Variants in STAB2 observed in about 807,000 individuals in gnomAD.
STAB2 encodes the protein stabilin-2.
Under a neutral mutation model 338.1 loss-of-function variants are expected in STAB2, and 288 were observed. That is an observed-to-expected ratio of 0.85 (90% CI 0.77 to 0.94). The LOEUF (loss-of-function observed/expected upper bound fraction) is 0.94, where lower values mean the gene tolerates loss of function less well. STAB2 is among the 40% of genes least tolerant of loss of function. The pLI, the probability that STAB2 is intolerant of heterozygous loss-of-function variation, is 0.00. For synonymous variants in STAB2, 1,202 were observed against 1,193.3 expected (o/e 1.01, Z -0.15); for missense variants, 3,141 against 3,210.1 (o/e 0.98, Z 0.52).
At chr12:103,605,576 C>T (rs557544867) in intron 3 of STAB2, among the ~76,000 whole-genome samples, 1 of 152,038 alleles carries the variant, frequency 6.6e-6, no homozygotes, top group South Asian at 2.1e-4. Flanking sequence ...GAAATCTCTA[C>T]TCTAACTGTA....
chr12:103,695,328 C>T (rs1038015762), intron 31 of STAB2, among the ~76,000 whole-genome samples: 3 of 152,180 alleles, frequency 2.0e-5, no homozygotes, highest in Non-Finnish European at 2.9e-5. Flanking sequence ...GGAGGTTTAA[C>T]GGTAAGGCAT....
intron 45 of STAB2, among the ~76,000 whole-genome samples, chr12:103,725,359 T>A (rs1881100638): frequency 6.6e-6 from 1 of 152,256 alleles, no homozygotes; most frequent in Non-Finnish European, 1.5e-5. Flanking sequence ...GTTCTCCTGG[T>A]TGGTAATGTG....
At chr12:103,728,682 T>C (rs1282231375) in intron 47 of STAB2, among the ~76,000 whole-genome samples, 167 bp from the exon 48 acceptor site, 7 of 152,148 alleles carry the variant, frequency 4.6e-5, no homozygotes, top group Non-Finnish European at 7.3e-5. Flanking sequence ...CTTCCTCCCT[T>C]TTGTCTGAAC....
intron 3 of STAB2, among the ~76,000 whole-genome samples, chr12:103,618,711 G>T (rs886407989): frequency 1.3e-5 from 2 of 152,180 alleles, no homozygotes; most frequent in Admixed American, 6.5e-5. Context: ...ACCACTCTGT[G>T]CCTGTTTCCT....
intron 53 of STAB2, 41 bp from the exon 54 acceptor site, chr12:103,739,371 G>A (rs541956721): frequency 6.5e-7 from 1 of 1,532,560 alleles, no homozygotes; most frequent in African/African-American, 1.4e-5. Context: ...TGTGTTTTCT[G>A]ATATTCTTGG....
At chr12:103,704,203 G>A (rs907528759) in intron 35 of STAB2, among the ~76,000 whole-genome samples, 4 of 152,204 alleles carry the variant, frequency 2.6e-5, no homozygotes, top group African/African-American at 9.7e-5. Context: ...CCTCATCTTA[G>A]CAATGTGCTC....
intron 41 of STAB2, 108 bp downstream of exon 41, chr12:103,712,551 C>T: frequency 1.2e-6 from 1 of 817,806 alleles, no homozygotes; most frequent in South Asian, 1.4e-5. Context: ...GTGCCAACCA[C>T]TGATGGTGAA....
intron 41 of STAB2, among the ~76,000 whole-genome samples, chr12:103,713,411 A>C (rs115243335): frequency 2.0e-3 from 302 of 152,312 alleles, no homozygotes; most frequent in African/African-American, 6.9e-3. Flanking sequence ...ACTCACCTTC[A>C]TCCCCAGGTG....
intron 17 of STAB2, among the ~76,000 whole-genome samples, chr12:103,662,260 A>C (rs1314996572): frequency 1.3e-5 from 2 of 152,188 alleles, no homozygotes; most frequent in Non-Finnish European, 2.9e-5. Flanking sequence ...GGGGGTGAAG[A>C]CAGAGGAAGC....
At chr12:103,758,057 T>A (rs1884265637) in intron 63 of STAB2, 113 bp from the exon 64 acceptor site, 1 of 1,478,572 alleles carries the variant, frequency 6.8e-7, no homozygotes, top group African/African-American at 1.4e-5. Context: ...GCAGGCTGAG[T>A]TGGCTCACAC....
rs771432090 is a variant in STAB2, at chr12:103,766,342, T to C, written c.*6T>C. ...ACCCCTTGAGGACACTGTGAGGGCC[T>C]GGACGGGAGATGCCAGCCATCACTC... is the stretch of plus-strand genomic sequence containing the variant. On this transcript the variant is annotated 3_prime_UTR_variant, in exon 69 of 69. Transcript: ENST00000388887. 10 of 1,604,608 alleles carry C rather than the reference T, an allele frequency of 6.2e-6. No individual in the cohort carries two copies. The East Asian group carries it at 2.2e-4, about 36-fold the overall frequency.
intron 3 of STAB2, among the ~76,000 whole-genome samples, chr12:103,612,568 A>T (rs1475077648): frequency 6.6e-6 from 1 of 152,164 alleles, no homozygotes; most frequent in East Asian, 1.9e-4. Context: ...TGCATTGGTT[A>T]TTCTAGTTAG....
In STAB2 at chr12:103,640,248, C is replaced by A; in HGVS notation, c.1032C>A (p.Gly344=). The A allele has an allele frequency of 6.2e-7, 1 of 1,612,518 alleles. No homozygotes were observed. Among genetic ancestry groups the A allele is most frequent in the Non-Finnish European group, 8.5e-7 (1 of 1,179,008 alleles). The change falls in exon 9 of 69, where the codon GGC becomes GGA. Residue 344 remains glycine, a synonymous_variant. Coordinates refer to ENST00000388887, the MANE Select transcript of STAB2 (RefSeq NM_017564.10). ...CAAATTGCACCACCGTCGCACCAGG[C>A]CGAACTGAGTAAGTCTTTTCAATTC... ...RNANCTTVAP[G]RTECICQKGY... is the part of the protein sequence containing the mutation.
chr12:103,656,312 C>T (rs1302369195), intron 15 of STAB2, among the ~76,000 whole-genome samples: 1 of 152,194 alleles, frequency 6.6e-6, no homozygotes, highest in Non-Finnish European at 1.5e-5. Flanking sequence ...GAGAGATGAC[C>T]TATGACTTCA....
intron 43 of STAB2, among the ~76,000 whole-genome samples, chr12:103,716,254 G>A (rs1193678322): frequency 6.6e-6 from 1 of 152,202 alleles, no homozygotes; most frequent in East Asian, 1.9e-4. Flanking sequence ...CATGTGCCAT[G>A]GTGGAAGATA....
chr12:103,596,327 TAC>T (rs1451045316), intron 3 of STAB2, among the ~76,000 whole-genome samples: 1 of 152,172 alleles, frequency 6.6e-6, no homozygotes, highest in Non-Finnish European at 1.5e-5. Context: ...AAAGATGCAG[TAC>T]AAAAGTCAGC....
In STAB2 at chr12:103,703,305, G is replaced by A. The variant is rs555331736; in HGVS notation, c.3843+29G>A. The A allele has an allele frequency of 5.4e-5, 86 of 1,603,350 alleles. 1 individual carries two copies. In the South Asian group the frequency reaches 7.9e-4, roughly 15 times the overall value. On this transcript the variant is annotated intron_variant, in intron 35 of 68. Coordinates refer to ENST00000388887, the MANE Select transcript of STAB2 (RefSeq NM_017564.10). ...AGTTCTATGGGCCAGAGCCAGTGAT[G>A]GAACTAATGAATATTGGCTTTTTTT...
At chr12:103,676,058 C>CCTT in intron 24 of STAB2, 37 bp downstream of exon 24, 1 of 668,074 alleles carries the variant, frequency 1.5e-6, no homozygotes, top group Non-Finnish European at 2.1e-6. Flanking sequence ...TGCCTGGTTT[C>CCTT]TTTTTTTTTT....
chr12:103,657,332 T>TTAA (rs952241309), intron 15 of STAB2, among the ~76,000 whole-genome samples: 88 of 151,958 alleles, frequency 5.8e-4, no homozygotes, highest in Non-Finnish European at 4.6e-4. Flanking sequence ...GATGCACATT[T>TTAA]TAATAATAAT....
Sources: gnomAD v4.1 joint callset for allele counts (sites outside exome capture counted in the v4.1 genomes callset) on GRCh38, gnomAD v4.1.1 for gene constraint, MANE v1.5 for transcripts, NCBI Gene and HGNC (gene_info 2026-07-23, HGNC 2026-07-21) for gene names.